The following MYZAP variants were observed in gnomAD, a reference collection of about 807,000 sequenced individuals.
The protein encoded by MYZAP is myocardial zonula adherens protein.
MYZAP carries 66 observed loss-of-function variants against 69.4 expected under a neutral mutation model. That is an observed-to-expected ratio of 0.95 (90% CI 0.78 to 1.17). The LOEUF (loss-of-function observed/expected upper bound fraction) is 1.17. Ranked by LOEUF, MYZAP falls within the 50% of genes most tolerant of loss-of-function variation. The pLI is 0.00. For synonymous variants in MYZAP, 256 were observed against 205.9 expected, an observed-to-expected ratio of 1.24 and a Z score of -2.09; for missense variants, 611 against 556.2, an observed-to-expected ratio of 1.10 and a Z score of -0.99.
At chr15:57,608,699 T>G (rs1210911883) in intron 2 of MYZAP, among the ~76,000 whole-genome samples, 3 of 152,206 alleles carry the variant, frequency 2.0e-5, no homozygotes, top group Non-Finnish European at 4.4e-5. Context: ...AAAGAGGTAA[T>G]GACTAAACAC....
chr15:57,671,072 C>T (rs1017962309), intron 11 of MYZAP, among the ~76,000 whole-genome samples: 3 of 152,104 alleles, frequency 2.0e-5, no homozygotes, highest in Admixed American at 6.5e-5. Context: ...CTGATGTCAT[C>T]TCGCCTCAGC....
intron 1 of MYZAP, among the ~76,000 whole-genome samples, chr15:57,596,495 T>C (rs1187486148): frequency 6.6e-6 from 1 of 152,210 alleles, no homozygotes; most frequent in Admixed American, 6.5e-5. Flanking sequence ...AGAAGAGCAA[T>C]ACAGTGGTGT....
chr15:57,604,968 G>C (rs2034654036), intron 2 of MYZAP, among the ~76,000 whole-genome samples: 1 of 152,224 alleles, frequency 6.6e-6, no homozygotes. Context: ...TTAAGATCCA[G>C]CCCTATATGA....
intron 1 of MYZAP, chr15:57,599,511 G>A: frequency 8.2e-7 from 1 of 1,218,150 alleles, no homozygotes; most frequent in Non-Finnish European, 1.1e-6. Flanking sequence ...TGGTTCGGTA[G>A]CAGTGGTGTT....
chr15:57,593,599 A>G (rs990276024), intron 1 of MYZAP, among the ~76,000 whole-genome samples: 4 of 152,190 alleles, frequency 2.6e-5, no homozygotes, highest in Non-Finnish European at 4.4e-5. Context: ...TTTGGGTCAA[A>G]CGTTTCCTTT....
chr15:57,623,803 A>T (rs74356639), intron 4 of MYZAP, among the ~76,000 whole-genome samples: 3 of 74,876 alleles, frequency 4.0e-5, no homozygotes, highest in African/African-American at 7.1e-5. Context: ...GTTGTAAATT[A>T]AAAAAAAAAA....
At chr15:57,593,212 A>ACACACACACACACACACACACACTCACT (rs770540454) in intron 1 of MYZAP, among the ~76,000 whole-genome samples, 21 of 124,992 alleles carry the variant, frequency 1.7e-4, no homozygotes, top group African/African-American at 6.8e-4. Context: ...ACACACACAC[A>ACACACACACACACACACACACACTCACT]CACCCCAGAA....
chr15:57,616,822 C>CTTTTTTTTTTTTTTTTTTT lies in MYZAP; in HGVS notation c.163-1204_163-1186dup, dbSNP rs763856721. Among the ~76,000 whole-genome samples the CTTTTTTTTTTTTTTTTTTT allele has an allele frequency of 4.0e-3, 199 of 50,058 alleles. 22 individuals are homozygous for CTTTTTTTTTTTTTTTTTTT. Among genetic ancestry groups the CTTTTTTTTTTTTTTTTTTT allele is most frequent in the African/African-American group, 4.5e-3 (57 of 12,618 alleles). 32.8% of individuals were successfully genotyped at this position (50,058 alleles called of 152,430 possible). ...GAGACTCCATCTAAAAAAAAAAGTG[C>CTTTTTTTTTTTTTTTTTTT]TTTTTTTTTTTTTTTTTTTTTTTTT... On this transcript the variant is annotated intron_variant, in intron 2 of 12. Transcript: ENST00000267853.
At chr15:57,638,104 A>G (rs1385331597) in intron 9 of MYZAP, among the ~76,000 whole-genome samples, 2 of 152,244 alleles carry the variant, frequency 1.3e-5, no homozygotes, top group South Asian at 2.1e-4. Context: ...GCTGTGACTA[A>G]TACCACTTGC....
At chr15:57,641,453 G>C (rs1230155412) in intron 10 of MYZAP, among the ~76,000 whole-genome samples, 1 of 152,108 alleles carries the variant, frequency 6.6e-6, no homozygotes, top group African/African-American at 2.4e-5. Context: ...TGCATATAAA[G>C]ATCACTGTCC....
At chr15:57,629,236 A>G (rs537811611) in intron 5 of MYZAP, among the ~76,000 whole-genome samples, 2 of 152,346 alleles carry the variant, frequency 1.3e-5, no homozygotes, top group South Asian at 4.1e-4. Context: ...CCTATCACAT[A>G]GTGAAAACTA....
chr15:57,620,801 C>T (rs571491920), intron 3 of MYZAP, among the ~76,000 whole-genome samples: 3 of 152,154 alleles, frequency 2.0e-5, no homozygotes, highest in African/African-American at 7.2e-5. Flanking sequence ...CTTTGGTCCT[C>T]TTAGCCATGA....
At chr15:57,652,839 A>G (rs1384467721) in intron 10 of MYZAP, among the ~76,000 whole-genome samples, 1 of 152,188 alleles carries the variant, frequency 6.6e-6, no homozygotes, top group Non-Finnish European at 1.5e-5. Flanking sequence ...ATTTCCTTGT[A>G]AAATTTTCAA....
intron 2 of MYZAP, among the ~76,000 whole-genome samples, chr15:57,613,669 C>T (rs2035254599): frequency 7.9e-5 from 12 of 152,038 alleles, no homozygotes; most frequent in Admixed American, 7.9e-4. Flanking sequence ...CCGTGCCTGG[C>T]CATAAGGAGG....
intron 4 of MYZAP, among the ~76,000 whole-genome samples, chr15:57,622,639 G>A (rs766308128): frequency 2.0e-5 from 3 of 152,042 alleles, no homozygotes; most frequent in East Asian, 3.8e-4. Flanking sequence ...GAAGGAAAAT[G>A]GACTAGTCAA....
intron 4 of MYZAP, among the ~76,000 whole-genome samples, chr15:57,621,956 C>G (rs954201504): frequency 6.6e-6 from 1 of 152,138 alleles, no homozygotes; most frequent in Non-Finnish European, 1.5e-5. Context: ...CCAGCTATCA[C>G]TATTATTATT....
chr15:57,650,448 G>T (rs2037672565), intron 10 of MYZAP, among the ~76,000 whole-genome samples: 1 of 152,210 alleles, frequency 6.6e-6, no homozygotes, highest in Non-Finnish European at 1.5e-5. Context: ...ACTTGAGGCA[G>T]AATGTCATAG....
intron 2 of MYZAP, among the ~76,000 whole-genome samples, chr15:57,609,636 T>C (rs1239807498): frequency 5.3e-5 from 8 of 152,198 alleles, no homozygotes; most frequent in Non-Finnish European, 1.2e-4. Flanking sequence ...TAACAGGTTC[T>C]TTGAGGAAAT....
At chr15:57,653,580 G>A (rs564108766) in intron 10 of MYZAP, among the ~76,000 whole-genome samples, 3 of 152,074 alleles carry the variant, frequency 2.0e-5, no homozygotes, top group East Asian at 1.9e-4. Context: ...TTTGTTTTTC[G>A]TTTTCTGTTT....
Sources: allele counts gnomAD v4.1 joint callset (sites outside exome capture counted in the v4.1 genomes callset), GRCh38; gene constraint gnomAD v4.1.1; transcripts MANE v1.5; gene names NCBI Gene and HGNC (gene_info 2026-07-23, HGNC 2026-07-21).